The following PLCG2 variants were observed in gnomAD, a reference collection of about 807,000 sequenced individuals.
PLCG2 encodes the protein phospholipase C gamma 2, also known as 1-phosphatidylinositol 4,5-bisphosphate phosphodiesterase gamma-2.
In PLCG2, 69 loss-of-function variants were observed where a neutral mutation model predicts 175.6. The ratio of observed to expected loss-of-function variants is 0.39; its 90% CI spans 0.32 to 0.48. The LOEUF (loss-of-function observed/expected upper bound fraction) is 0.48. Ranked by LOEUF, PLCG2 falls within the 20% of genes least tolerant of loss-of-function variation. The pLI is 0.91. For synonymous variants in PLCG2, 827 were observed against 624.0 expected, an observed-to-expected ratio of 1.33 and a Z score of -4.85; for missense variants, 1,798 against 1,650.9, an observed-to-expected ratio of 1.09 and a Z score of -1.54.
intron 11 of PLCG2, among the ~76,000 whole-genome samples, chr16:81,893,151 G>T (rs746417829): frequency 1.3e-5 from 2 of 152,214 alleles, no homozygotes; most frequent in Non-Finnish European, 2.9e-5. Flanking sequence ...GAGCCATCGT[G>T]CTTGGCCTCG....
chr16:81,873,601 G>A (rs552859664), intron 7 of PLCG2, among the ~76,000 whole-genome samples: 2 of 151,760 alleles, frequency 1.3e-5, no homozygotes, highest in Admixed American at 6.6e-5. Flanking sequence ...AAGATGCTGT[G>A]TTGTCAGACA....
intron 2 of PLCG2, among the ~76,000 whole-genome samples, chr16:81,797,286 A>AC (rs796979477): frequency 5.3e-5 from 8 of 152,218 alleles, no homozygotes; most frequent in African/African-American, 1.9e-4. Context: ...TTTTTGAAAA[A>AC]AAAAAAATTA....
At chr16:81,814,795 G>A (rs56237642) in intron 2 of PLCG2, among the ~76,000 whole-genome samples, 16,563 of 152,260 alleles carry the variant, frequency 0.11, 1,041 homozygotes, top group Middle Eastern at 0.16. Context: ...CTTGCTGTGT[G>A]ACCACAGGGA....
intron 2 of PLCG2, among the ~76,000 whole-genome samples, chr16:81,789,057 A>G (rs1911108937): frequency 1.3e-5 from 2 of 152,364 alleles, no homozygotes; most frequent in East Asian, 1.9e-4. Flanking sequence ...GGTATTAACC[A>G]TGGCATGTGT....
intron 1 of PLCG2, among the ~76,000 whole-genome samples, chr16:81,781,048 A>AACACACAC (rs564050259): frequency 6.6e-6 from 1 of 151,582 alleles, no homozygotes; most frequent in African/African-American, 2.4e-5. Flanking sequence ...CAAACAAACA[A>AACACACAC]ACACACACAA....
rs192485375 is a variant in PLCG2, at chr16:81,908,089, C to T, written c.1557+315C>T. Among the ~76,000 whole-genome samples the T allele has an allele frequency of 5.3e-5, 8 of 152,340 alleles. No individual in the cohort carries two copies. In the East Asian group the frequency reaches 1.5e-3, roughly 29 times the overall value. On this transcript the variant is annotated intron_variant, in intron 16 of 32. Coordinates refer to ENST00000564138, the MANE Select transcript of PLCG2 (RefSeq NM_002661.5). ...TGCCCTCTCCTCCAGCTGTGGTCAT[C>T]TTTCCCGCTGTTTATTTCTGCAGCC... is the stretch of plus-strand genomic sequence containing the variant.
intron 12 of PLCG2, among the ~76,000 whole-genome samples, chr16:81,894,422 C>G (rs975505728): frequency 6.6e-6 from 1 of 151,010 alleles, no homozygotes; most frequent in Non-Finnish European, 1.5e-5. Context: ...GAGCGAGACT[C>G]TGTGTCTAAA....
At chr16:81,898,812 T>A (rs1409755000) in intron 13 of PLCG2, among the ~76,000 whole-genome samples, 6 of 152,174 alleles carry the variant, frequency 3.9e-5, no homozygotes, top group Non-Finnish European at 2.9e-5. Context: ...CAGGGGATGT[T>A]CTTAAGAGAT....
At chr16:81,830,214 G>A (rs1238033576) in intron 2 of PLCG2, among the ~76,000 whole-genome samples, 1 of 152,242 alleles carries the variant, frequency 6.6e-6, no homozygotes, top group African/African-American at 2.4e-5. Context: ...CAGCTACTTA[G>A]GAGTCTGAGG....
At chr16:81,776,101 T>TTTTCTTTTTTTCTTTCTTTCTTTC (rs770091973), upstream of PLCG2, among the ~76,000 whole-genome samples, 76 of 55,334 alleles carry the variant, frequency 1.4e-3, 1 homozygote, top group South Asian at 3.1e-3. Flanking sequence ...TTCTTTCTTT[T>TTTTCTTTTTTTCTTTCTTTCTTTC]TTTCCTTCTT....
chr16:81,920,217 G>T (rs2143684445), intron 20 of PLCG2, among the ~76,000 whole-genome samples: 1 of 152,332 alleles, frequency 6.6e-6, no homozygotes, highest in East Asian at 1.9e-4. Context: ...TTTTCTCTGA[G>T]TCATTGGAGA....
intron 28 of PLCG2, chr16:81,938,515 C>G (rs968341186): frequency 2.3e-6 from 1 of 443,618 alleles, no homozygotes; most frequent in Non-Finnish European, 4.0e-6. Context: ...ATCAGAGGCA[C>G]CTGCTTGGGC....
chr16:81,815,709 C>A (rs948395888), intron 2 of PLCG2, among the ~76,000 whole-genome samples: 1 of 152,016 alleles, frequency 6.6e-6, no homozygotes, highest in Non-Finnish European at 1.5e-5. Context: ...GTGGCTTCTT[C>A]GATTCTCGCG....
rs552949634 is a variant in PLCG2, at chr16:81,946,076, C to T, written c.3482-99C>T. ...AGCATGGGGCACTGACTTCTCTACC[C>T]TTTGAACTAGGCCTATGATCCCGAG... On this transcript the variant is annotated intron_variant, in intron 30 of 32. Coordinates refer to ENST00000564138, the MANE Select transcript of PLCG2 (RefSeq NM_002661.5). The T allele has an allele frequency of 1.2e-4, 104 of 875,936 alleles. 2 individuals carry two copies. The highest frequency in any genetic ancestry group is 1.2e-3 in the South Asian group (84 of 71,436). 54.3% of individuals were successfully genotyped at this position (875,936 alleles called of 1,614,324 possible).
At chr16:81,907,642 G>T in intron 15 of PLCG2, 43 bp from the exon 16 acceptor site, 1 of 1,418,044 alleles carries the variant, frequency 7.1e-7, no homozygotes, top group Non-Finnish European at 1.0e-6. Context: ...CAGTTGATGA[G>T]GTAGAGGACT....
intron 2 of PLCG2, among the ~76,000 whole-genome samples, chr16:81,838,779 AT>A (rs1905661968): frequency 6.8e-3 from 1 of 146 alleles, no homozygotes. Context: ...GTAAAATTAA[AT>A]ATATATATAT....
chr16:81,855,673 G>C (rs1318843145), intron 3 of PLCG2, among the ~76,000 whole-genome samples: 1 of 152,174 alleles, frequency 6.6e-6, no homozygotes, highest in Non-Finnish European at 1.5e-5. Context: ...CCTAGTGCAA[G>C]CATGATACAG....
At chr16:81,824,092 T>C (rs1264178419) in intron 2 of PLCG2, among the ~76,000 whole-genome samples, 2 of 126,372 alleles carry the variant, frequency 1.6e-5, no homozygotes, top group Non-Finnish European at 3.3e-5. Flanking sequence ...TCCTGTCCTG[T>C]CCTTTCCTTT....
intron 2 of PLCG2, among the ~76,000 whole-genome samples, chr16:81,761,489 G>A (rs888592784): frequency 6.6e-6 from 1 of 152,154 alleles, no homozygotes; most frequent in Non-Finnish European, 1.5e-5. Context: ...GTTAAGCTTG[G>A]GCAGCAGCCT....
Sources: gnomAD v4.1 joint callset for allele counts (sites outside exome capture counted in the v4.1 genomes callset) on GRCh38, gnomAD v4.1.1 for gene constraint, MANE v1.5 for transcripts, NCBI Gene and HGNC (gene_info 2026-07-23, HGNC 2026-07-21) for gene names.